ETV6: variants seen among roughly 807,000 people sequenced by gnomAD.
The protein encoded by ETV6 is transcription factor ETV6.
ETV6 carries 16 observed loss-of-function variants against 51.1 expected under a neutral mutation model. The ratio of observed to expected loss-of-function variants is 0.31; its 90% CI spans 0.21 to 0.48. The LOEUF is 0.48. Ranked by LOEUF, ETV6 falls within the 20% of genes least tolerant of loss-of-function variation. ETV6 has a pLI of 0.99. For missense variants in ETV6, 458 were observed against 594.8 expected, an observed-to-expected ratio of 0.77 and a Z score of 2.39; for synonymous variants, 240 against 224.1, an observed-to-expected ratio of 1.07 and a Z score of -0.64.
intron 2 of ETV6, among the ~76,000 whole-genome samples, chr12:11,832,662 T>G (rs1946261851): frequency 6.6e-6 from 1 of 152,222 alleles, no homozygotes; most frequent in South Asian, 2.1e-4. Context: ...CTCCTCATCC[T>G]CTCTCCTCAT....
At chr12:11,650,230 G>A in intron 1 of ETV6, 70 bp downstream of exon 1, 1 of 1,364,796 alleles carries the variant, frequency 7.3e-7, no homozygotes, top group South Asian at 1.2e-5. Flanking sequence ...AGTCGTGCTG[G>A]GCTCCTCAGA....
At chr12:11,660,561 T>C (rs1268325496) in intron 1 of ETV6, among the ~76,000 whole-genome samples, 1 of 120,498 alleles carries the variant, frequency 8.3e-6, no homozygotes, top group Non-Finnish European at 1.6e-5. Flanking sequence ...GTTGTGCCAC[T>C]ACACTCCAGC....
intron 4 of ETV6, among the ~76,000 whole-genome samples, chr12:11,865,768 A>G (rs1477022728): frequency 2.0e-5 from 3 of 150,482 alleles, no homozygotes; most frequent in African/African-American, 4.9e-5. Context: ...CCCTGTACAT[A>G]GTTTCTTTTT....
At chr12:11,678,002 C>G (rs564159968) in intron 1 of ETV6, among the ~76,000 whole-genome samples, 10 of 152,338 alleles carry the variant, frequency 6.6e-5, no homozygotes, top group African/African-American at 2.4e-4. Flanking sequence ...TGTTCCTGCA[C>G]TTGTGCCAAA....
chr12:11,703,787 A>G (rs967154320), intron 1 of ETV6, among the ~76,000 whole-genome samples: 4 of 152,198 alleles, frequency 2.6e-5, no homozygotes, highest in Non-Finnish European at 5.9e-5. Context: ...TGGGAGTTTG[A>G]ACCAAATAAT....
chr12:11,756,211 C>A (rs534109428), intron 2 of ETV6, among the ~76,000 whole-genome samples: 51 of 152,114 alleles, frequency 3.4e-4, no homozygotes, highest in Non-Finnish European at 3.8e-4. Flanking sequence ...GAAGCCTGGG[C>A]AGAGTGCAAG....
chr12:11,674,192 G>A (rs920665429), intron 1 of ETV6, among the ~76,000 whole-genome samples: 1 of 151,916 alleles, frequency 6.6e-6, no homozygotes, highest in Non-Finnish European at 1.5e-5. Flanking sequence ...TTCCTTTTTC[G>A]CCTTCATTTT....
At chr12:11,747,505 G>A (rs1017832073) in intron 1 of ETV6, among the ~76,000 whole-genome samples, 85 of 152,250 alleles carry the variant, frequency 5.6e-4, no homozygotes, top group African/African-American at 1.9e-3. Flanking sequence ...CTTTCTAGCC[G>A]AGATGCTAGG....
Position 11,803,330 on chromosome 12 carries a change from C to T in ETV6, c.164-35810C>T, listed in dbSNP as rs978616701. ...AGAAATTTGTCCGCTGAGAAGTCTC[C>T]CTTGTTAGACTCCTAGAAAATAGAG... On this transcript the variant is annotated intron_variant, in intron 2 of 7. Transcript: ENST00000396373. Among the ~76,000 whole-genome samples, 3 of 152,044 alleles carry T rather than the reference C, an allele frequency of 2.0e-5. No homozygotes were observed. In the South Asian group the frequency reaches 6.2e-4, roughly 32 times the overall value.
chr12:11,862,964 G>A (rs917389055), intron 4 of ETV6, among the ~76,000 whole-genome samples: 19 of 152,296 alleles, frequency 1.2e-4, no homozygotes, highest in African/African-American at 4.3e-4. Context: ...GGGAGAAAGT[G>A]AAACCCAGTG....
intron 2 of ETV6, among the ~76,000 whole-genome samples, chr12:11,828,201 A>G (rs1235593518): frequency 1.3e-5 from 2 of 152,156 alleles, no homozygotes; most frequent in Non-Finnish European, 1.5e-5. Flanking sequence ...TCATCCTTGT[A>G]TAGTATCTCT....
chr12:11,733,978 G>A (rs1865653376), intron 1 of ETV6, among the ~76,000 whole-genome samples: 1 of 152,186 alleles, frequency 6.6e-6, no homozygotes, highest in African/African-American at 2.4e-5. Flanking sequence ...ATGGATAGTG[G>A]TGTAACGGAA....
intron 2 of ETV6, among the ~76,000 whole-genome samples, chr12:11,754,367 G>A (rs899533890): frequency 5.3e-5 from 8 of 152,062 alleles, no homozygotes; most frequent in Admixed American, 3.9e-4. Context: ...CTTTCATAAC[G>A]TTTTATTCCT....
At chr12:11,753,212 C>T (rs1279377861) in intron 2 of ETV6, among the ~76,000 whole-genome samples, 1 of 152,130 alleles carries the variant, frequency 6.6e-6, no homozygotes, top group African/African-American at 2.4e-5. Context: ...ATCATCTCTA[C>T]CCCTTGGCCT....
intron 1 of ETV6, among the ~76,000 whole-genome samples, chr12:11,709,069 C>T (rs1045428042): frequency 4.6e-5 from 7 of 152,104 alleles, no homozygotes; most frequent in African/African-American, 7.2e-5. Flanking sequence ...AAGCTTGATT[C>T]GTTCCCCACC....
chr12:11,824,868 C>A (rs1461095328), intron 2 of ETV6, among the ~76,000 whole-genome samples: 3 of 152,168 alleles, frequency 2.0e-5, no homozygotes, highest in Non-Finnish European at 4.4e-5. Flanking sequence ...AAGCCAGCTG[C>A]CATTTATTTG....
chr12:11,871,639 T>C (rs1946882983), intron 5 of ETV6, among the ~76,000 whole-genome samples: 1 of 152,220 alleles, frequency 6.6e-6, no homozygotes, highest in African/African-American at 2.4e-5. Context: ...AAAAATGACT[T>C]ATATGTTTTA....
intron 2 of ETV6, among the ~76,000 whole-genome samples, chr12:11,797,523 G>C (rs1945696498): frequency 6.6e-6 from 1 of 152,228 alleles, no homozygotes; most frequent in Non-Finnish European, 1.5e-5. Flanking sequence ...GGAAGACAGA[G>C]CTGGGTAGGA....
In ETV6 at chr12:11,676,560, TTCTATC is replaced by T. The variant is rs560786052; in HGVS notation, c.33+26404_33+26409del. Among the ~76,000 whole-genome samples, 99 of 152,314 alleles carry T rather than the reference TTCTATC, an allele frequency of 6.5e-4. 1 individual carries two copies. The highest frequency in any genetic ancestry group is 5.6e-3 in the South Asian group (27 of 4,822). On this transcript the variant is annotated intron_variant, in intron 1 of 7. Coordinates refer to ENST00000396373, the MANE Select transcript of ETV6 (RefSeq NM_001987.5). ...CCCATGCCACTCCCTGAAACACTCCTTCTATCTCTCTTATCCCAGCTGATGGCTCTT... is the reference window on the plus strand; with the variant it reads ...CCCATGCCACTCCCTGAAACACTCCTTCTCTTATCCCAGCTGATGGCTCTT...
Sources: allele counts gnomAD v4.1 joint callset (sites outside exome capture counted in the v4.1 genomes callset), GRCh38; gene constraint gnomAD v4.1.1; transcripts MANE v1.5; gene names NCBI Gene and HGNC (gene_info 2026-07-23, HGNC 2026-07-21).